NEO1: variants seen among roughly 807,000 people sequenced by gnomAD.
The protein encoded by NEO1 is neogenin 1, also known as neogenin.
In NEO1, 63 loss-of-function variants were observed where a neutral mutation model predicts 159.7. The ratio of observed to expected loss-of-function variants is 0.39; its 90% confidence interval spans 0.32 to 0.49. The LOEUF is 0.49. Among genes scored for constraint, NEO1 ranks in the 20% least tolerant of loss-of-function variants. The pLI, the probability that NEO1 is intolerant of heterozygous loss-of-function variation, is 0.85. For synonymous variants in NEO1, 633 were observed against 662.0 expected, an observed-to-expected ratio of 0.96 and a Z score of 0.67; for missense variants, 1,615 against 1,831.0, an observed-to-expected ratio of 0.88 and a Z score of 2.15.
At chr15:73,274,945 CTG>C (rs1324012289) in intron 21 of NEO1, among the ~76,000 whole-genome samples, 1 of 152,098 alleles carries the variant, frequency 6.6e-6, no homozygotes, top group African/African-American at 2.4e-5. Flanking sequence ...AACCAGTAAA[CTG>C]GTCCTGCAGC....
chr15:73,235,861 A>C (rs139548401), intron 7 of NEO1, among the ~76,000 whole-genome samples: 1 of 152,234 alleles, frequency 6.6e-6, no homozygotes, highest in African/African-American at 2.4e-5. Context: ...CATCCATACT[A>C]TTCCATATGT....
At chr15:73,185,997 A>C (rs1401488888) in intron 7 of NEO1, among the ~76,000 whole-genome samples, 1 of 152,074 alleles carries the variant, frequency 6.6e-6, no homozygotes, top group African/African-American at 2.4e-5. Flanking sequence ...CAAACTAAAT[A>C]CCATGATGAT....
At chr15:73,223,245 T>C (rs922907343) in intron 7 of NEO1, among the ~76,000 whole-genome samples, 1 of 152,180 alleles carries the variant, frequency 6.6e-6, no homozygotes, top group Admixed American at 6.5e-5. Flanking sequence ...TTGAATAGAA[T>C]GTGTATTCTG....
chr15:73,249,909 T>C (rs1481657555), intron 11 of NEO1, among the ~76,000 whole-genome samples, 188 bp downstream of exon 11: 1 of 152,206 alleles, frequency 6.6e-6, no homozygotes, highest in East Asian at 1.9e-4. Flanking sequence ...ACCAACTTCA[T>C]TGAGTTGCTG....
intron 7 of NEO1, among the ~76,000 whole-genome samples, chr15:73,213,747 T>C (rs1318094854): frequency 1.3e-5 from 2 of 152,208 alleles, no homozygotes; most frequent in Admixed American, 6.6e-5. Flanking sequence ...AAAGTATCTT[T>C]TTCATATAAT....
intron 4 of NEO1, among the ~76,000 whole-genome samples, chr15:73,134,215 C>T (rs1311970524): frequency 6.6e-6 from 1 of 152,114 alleles, no homozygotes; most frequent in African/African-American, 2.4e-5. Context: ...TGCTCTATTC[C>T]ATTATATAAT....
At chr15:73,125,422 A>G (rs1056571569) in intron 3 of NEO1, among the ~76,000 whole-genome samples, 2 of 152,230 alleles carry the variant, frequency 1.3e-5, no homozygotes, top group Admixed American at 6.5e-5. Context: ...TTTCAAAGCC[A>G]CATTCACCCT....
intron 1 of NEO1, among the ~76,000 whole-genome samples, chr15:73,067,797 T>C (rs1207111825): frequency 6.6e-6 from 1 of 152,014 alleles, no homozygotes; most frequent in African/African-American, 2.4e-5. Flanking sequence ...TTTGTATTTT[T>C]AGTAGAGACG....
In NEO1 at chr15:73,149,367, CTT is replaced by C. The variant is rs145289188; in HGVS notation, c.1015+13343_1015+13344del. 8.7e-3 allele frequency among the ~76,000 whole-genome samples: 1,311 copies of C among 150,748 alleles called. 23 individuals are homozygous for C. Among genetic ancestry groups the C allele is most frequent in the African/African-American group, 0.03 (1,240 of 41,088 alleles). ...CATGTTAAAAGTAACAGCAAAGATA[CTT>C]TTCAAACACTATTTATTCTGTATCT... On this transcript the variant is annotated intron_variant, in intron 5 of 28. Coordinates refer to ENST00000261908, the MANE Select transcript of NEO1 (RefSeq NM_002499.4).
intron 7 of NEO1, among the ~76,000 whole-genome samples, chr15:73,186,008 GATA>G (rs754714119): frequency 5.3e-5 from 8 of 151,684 alleles, no homozygotes; most frequent in Admixed American, 3.3e-4. Flanking sequence ...CCATGATGAT[GATA>G]ATAATAATAA....
At chr15:73,220,529 A>T (rs1596378914) in intron 7 of NEO1, among the ~76,000 whole-genome samples, 1 of 152,200 alleles carries the variant, frequency 6.6e-6, no homozygotes, top group Non-Finnish European at 1.5e-5. Context: ...GTGTTTTCCA[A>T]CTTGGTTCCA....
chr15:73,084,344 G>C (rs1486629961), intron 1 of NEO1, among the ~76,000 whole-genome samples: 3 of 152,072 alleles, frequency 2.0e-5, no homozygotes, highest in Non-Finnish European at 4.4e-5. Flanking sequence ...CCATTCTGCT[G>C]TCTGCATTTA....
At chr15:73,190,091 C>T (rs1448695522) in intron 7 of NEO1, among the ~76,000 whole-genome samples, 1 of 151,908 alleles carries the variant, frequency 6.6e-6, no homozygotes, top group African/African-American at 2.4e-5. Context: ...TATTAAATTA[C>T]ATTTTCAAAA....
At chr15:73,154,586 T>A (rs1290567440) in intron 5 of NEO1, among the ~76,000 whole-genome samples, 1 of 152,198 alleles carries the variant, frequency 6.6e-6, no homozygotes, top group African/African-American at 2.4e-5. Context: ...AGTGAGAACA[T>A]CTGAAGCATG....
chr15:73,136,223 C>T (rs887762263), intron 5 of NEO1, among the ~76,000 whole-genome samples, 196 bp downstream of exon 5: 14 of 152,084 alleles, frequency 9.2e-5, no homozygotes, highest in African/African-American at 3.4e-4. Context: ...TTTAATTTCT[C>T]TCAACCTCAT....
intron 14 of NEO1, among the ~76,000 whole-genome samples, chr15:73,259,966 G>A (rs1198918639): frequency 2.0e-5 from 3 of 152,210 alleles, no homozygotes; most frequent in Non-Finnish European, 2.9e-5. Flanking sequence ...CTATTGAAAG[G>A]CAATTTATTT....
At chr15:73,199,469 A>C (rs1351998443) in intron 7 of NEO1, among the ~76,000 whole-genome samples, 1 of 152,132 alleles carries the variant, frequency 6.6e-6, no homozygotes, top group Non-Finnish European at 1.5e-5. Flanking sequence ...CTTGTGGGCT[A>C]AGTATTTACA....
At chr15:73,125,958 C>T (rs2030160841) in intron 3 of NEO1, among the ~76,000 whole-genome samples, 1 of 152,158 alleles carries the variant, frequency 6.6e-6, no homozygotes, top group South Asian at 2.1e-4. Flanking sequence ...GTACACATGG[C>T]TTTTATCTTA....
chr15:73,065,111 C>T lies in NEO1; in HGVS notation c.130+12306C>T, dbSNP rs188540272. Among the ~76,000 whole-genome samples the T allele has an allele frequency of 1.6e-3, 244 of 152,080 alleles. 1 individual carries two copies. Among genetic ancestry groups the T allele is most frequent in the African/African-American group, 5.5e-3 (227 of 41,496 alleles). On this transcript the variant is annotated intron_variant, in intron 1 of 28. Coordinates refer to ENST00000261908, the MANE Select transcript of NEO1 (RefSeq NM_002499.4). ...TGGACAGTGCAAGGCCTCTATAACACCTGAATTCCATTTGTCCTTCTCTTT... is the reference window on the plus strand; with the variant it reads ...TGGACAGTGCAAGGCCTCTATAACATCTGAATTCCATTTGTCCTTCTCTTT...
Sources: gnomAD v4.1 joint callset for allele counts (sites outside exome capture counted in the v4.1 genomes callset) on GRCh38, gnomAD v4.1.1 for gene constraint, MANE v1.5 for transcripts, NCBI Gene and HGNC (gene_info 2026-07-23, HGNC 2026-07-21) for gene names.